ANO1: variants seen among roughly 807,000 people sequenced by gnomAD.
ANO1 encodes anoctamin-1.
ANO1 carries 59 observed loss-of-function variants against 124.0 expected under a neutral mutation model. That is an observed-to-expected ratio of 0.48 (90% CI 0.39 to 0.59). The LOEUF (loss-of-function observed/expected upper bound fraction) is 0.59. ANO1 is among the 20% of genes least tolerant of loss of function. The pLI is 0.00. For synonymous variants in ANO1, 529 were observed against 532.0 expected (o/e 0.99, Z 0.08); for missense variants, 1,059 against 1,328.0 (o/e 0.80, Z 3.15).
the ANO1 span, among the ~76,000 whole-genome samples, chr11:69,980,849 C>T: frequency 6.6e-6 from 1 of 152,030 alleles, no homozygotes; most frequent in African/African-American, 2.4e-5. Flanking sequence ...GTCAAGAGAT[C>T]GAGACCATCC....
intron 1 of ANO1, among the ~76,000 whole-genome samples, chr11:70,070,470 G>A (rs1197318992): frequency 6.6e-6 from 1 of 152,170 alleles, no homozygotes; most frequent in African/African-American, 2.4e-5. Flanking sequence ...GTCACCTGAG[G>A]TCAGGAGTTC....
intron 2 of ANO1, among the ~76,000 whole-genome samples, chr11:70,090,814 G>T (rs1461111756): frequency 3.9e-5 from 6 of 152,236 alleles, no homozygotes; most frequent in African/African-American, 2.4e-5. Flanking sequence ...AGGGCTAAAA[G>T]AGGCTTTTCA....
chr11:70,031,989 G>A (rs114924634), intron 1 of ANO1, among the ~76,000 whole-genome samples: 26 of 152,230 alleles, frequency 1.7e-4, no homozygotes, highest in East Asian at 3.9e-4. Flanking sequence ...TCACTGCTTC[G>A]TTGGACATAT....
chr11:70,128,203 TATCTCCCTTTTGGTG>T (rs2046601898), intron 10 of ANO1, among the ~76,000 whole-genome samples: 2 of 146,560 alleles, frequency 1.4e-5, no homozygotes, highest in Admixed American at 1.4e-4. Context: ...GAATCTGGCT[TATCTCCCTTTTGGTG>T]TTAATTTGGT....
intron 1 of ANO1, among the ~76,000 whole-genome samples, chr11:70,084,708 G>T (rs527899763): frequency 3.3e-5 from 5 of 152,322 alleles, no homozygotes; most frequent in African/African-American, 9.6e-5. Context: ...GTGGCCTGGT[G>T]TTGCCCAAAC....
chr11:70,007,543 G>A (rs1235401382), intron 1 of ANO1, among the ~76,000 whole-genome samples: 1 of 152,172 alleles, frequency 6.6e-6, no homozygotes, highest in African/African-American at 2.4e-5. Context: ...GCCTCCCAAA[G>A]TGCTGGGATT....
At chr11:70,174,921 AAAAG>A (rs1478757735) in intron 22 of ANO1, among the ~76,000 whole-genome samples, 1 of 9,796 alleles carries the variant, frequency 1.0e-4, no homozygotes, top group Non-Finnish European at 3.2e-4. Context: ...AAGAAAAGAA[AAAAG>A]AAAAGAAAAG....
At chr11:70,079,068 G>A (rs1430759421) in intron 1 of ANO1, among the ~76,000 whole-genome samples, 1 of 152,152 alleles carries the variant, frequency 6.6e-6, no homozygotes, top group Non-Finnish European at 1.5e-5. Flanking sequence ...CGCCCTGGAT[G>A]GGACCTTCCC....
At chr11:70,065,862 C>T (rs1162035097) in intron 1 of ANO1, among the ~76,000 whole-genome samples, 1 of 152,176 alleles carries the variant, frequency 6.6e-6, no homozygotes, top group African/African-American at 2.4e-5. Context: ...ATGTCACTTC[C>T]CCGGAAGGGC....
the ANO1 span, among the ~76,000 whole-genome samples, chr11:69,966,391 A>G: frequency 3.3e-5 from 5 of 152,280 alleles, no homozygotes; most frequent in African/African-American, 9.6e-5. Flanking sequence ...CCTGGTTTTC[A>G]GCCTTCTTGC....
intron 1 of ANO1, among the ~76,000 whole-genome samples, chr11:70,034,133 C>T (rs1362532638): frequency 6.6e-6 from 1 of 152,180 alleles, no homozygotes. Context: ...CATTACGTAG[C>T]AGGTCCTCTG....
chr11:70,095,301 A>AAGG (rs1250741321), intron 2 of ANO1, among the ~76,000 whole-genome samples: 27 of 64,556 alleles, frequency 4.2e-4, no homozygotes, highest in South Asian at 9.3e-4. Flanking sequence ...GGAAGGAAGG[A>AAGG]AAGAAAGAAA....
chr11:70,006,659 C>G, intron 1 of ANO1, among the ~76,000 whole-genome samples: 1 of 74,282 alleles, frequency 1.3e-5, no homozygotes, highest in African/African-American at 5.1e-5. Context: ...TTTCTTTCTT[C>G]TTTCTTTTTT....
At chr11:70,002,395 C>T (rs1591026743) in intron 1 of ANO1, among the ~76,000 whole-genome samples, 1 of 139,286 alleles carries the variant, frequency 7.2e-6, no homozygotes, top group South Asian at 2.3e-4. Context: ...ACCCGAGAGG[C>T]AGAGGTTGCA....
intron 3 of ANO1, 130 bp downstream of exon 3, chr11:70,103,294 A>AAAGTGTTGTCAACGTGGAATGAGG: frequency 1.4e-6 from 1 of 713,662 alleles, no homozygotes. Context: ...CTTCACGGCT[A>AAAGTGTTGTCAACGTGGAATGAGG]CCCCTGCAAA....
chr11:70,159,196 T>G (rs1590884137), intron 16 of ANO1, among the ~76,000 whole-genome samples: 1 of 152,050 alleles, frequency 6.6e-6, no homozygotes, highest in African/African-American at 2.4e-5. Flanking sequence ...CTGCTGCACC[T>G]CCAGCATCAC....
In ANO1 at chr11:70,185,590, G is replaced by A. The variant is rs2049086171; in HGVS notation, c.2589G>A (p.Arg863=). 6.2e-7 allele frequency: 1 copy of A among 1,613,516 alleles called. No homozygotes were observed. Among genetic ancestry groups the A allele is most frequent in the Non-Finnish European group, 8.5e-7 (1 of 1,179,628 alleles). Residue 863 remains arginine, a splice_region_variant and synonymous_variant, in exon 25 of 26, where the codon AGG becomes AGA. Coordinates refer to ENST00000355303, the MANE Select transcript of ANO1 (RefSeq NM_018043.7). ...LDLGYEVQIC[R]YKDYREPPWS... ...TCGACTCCACCACGGTCTTTTGCAG[G>A]TATAAAGACTACCGAGAGCCGCCGT...
At chr11:70,182,458 C>A in intron 23 of ANO1, 44 bp from the exon 24 acceptor site, 1 of 1,452,548 alleles carries the variant, frequency 6.9e-7, no homozygotes, top group African/African-American at 1.4e-5. Flanking sequence ...GGCCCTTCTG[C>A]GCCCAGGCTG....
chr11:70,074,457 T>C (rs1291240828), upstream of ANO1, among the ~76,000 whole-genome samples: 1 of 152,180 alleles, frequency 6.6e-6, no homozygotes, highest in Non-Finnish European at 1.5e-5. Flanking sequence ...GTGTGTTGAA[T>C]TCATGGAGTG....
Sources: gnomAD v4.1 joint callset for allele counts (sites outside exome capture counted in the v4.1 genomes callset) on GRCh38, gnomAD v4.1.1 for gene constraint, MANE v1.5 for transcripts, NCBI Gene and HGNC (gene_info 2026-07-23, HGNC 2026-07-21) for gene names.